Variants in SLC37A3 observed in about 807,000 individuals in gnomAD.
SLC37A3 encodes the protein sugar phosphate exchanger 3.
SLC37A3 carries 51 observed loss-of-function variants against 67.1 expected under a neutral mutation model. The observed-to-expected ratio is 0.76, with a 90% CI of 0.61 to 0.96. The LOEUF (loss-of-function observed/expected upper bound fraction) is 0.96, where lower values mean the gene tolerates loss of function less well. SLC37A3 is among the 40% of genes least tolerant of loss of function. SLC37A3 has a pLI of 0.00. For missense variants in SLC37A3, 508 were observed against 603.0 expected, an observed-to-expected ratio of 0.84 and a Z score of 1.65; for synonymous variants, 214 against 231.4, an observed-to-expected ratio of 0.92 and a Z score of 0.68.
chr7:140,362,839 C>T (rs1797406820), intron 5 of SLC37A3, among the ~76,000 whole-genome samples: 1 of 78,532 alleles, frequency 1.3e-5, no homozygotes, highest in African/African-American at 4.7e-5. Context: ...CTCTGCCCGG[C>T]CGCCCCTACT....
At chr7:140,364,892 A>G (rs926452068) in intron 4 of SLC37A3, among the ~76,000 whole-genome samples, 7 of 152,222 alleles carry the variant, frequency 4.6e-5, no homozygotes, top group Non-Finnish European at 7.3e-5. Flanking sequence ...TCTAGACTAG[A>G]TTAATTCCTA....
chr7:140,343,279 G>T (rs879133666), intron 13 of SLC37A3, 133 bp downstream of exon 13: 2 of 1,235,600 alleles, frequency 1.6e-6, no homozygotes, highest in East Asian at 4.7e-5. Context: ...GAGGGGAGAC[G>T]GAAGTCCTTG....
At chr7:140,381,504 G>A (rs991757082) in intron 2 of SLC37A3, among the ~76,000 whole-genome samples, 3 of 151,836 alleles carry the variant, frequency 2.0e-5, no homozygotes, top group African/African-American at 4.8e-5. Context: ...CAGTCTGGGC[G>A]ACAGGGTGAG....
chr7:140,360,516 C>T (rs566176096), intron 5 of SLC37A3, among the ~76,000 whole-genome samples: 22 of 152,024 alleles, frequency 1.4e-4, no homozygotes, highest in African/African-American at 5.3e-4. Context: ...GGCAGATCAC[C>T]TGAGGTCAGG....
At chr7:140,349,304 G>A (rs1215598887) in intron 9 of SLC37A3, among the ~76,000 whole-genome samples, 2 of 152,164 alleles carry the variant, frequency 1.3e-5, no homozygotes, top group Non-Finnish European at 2.9e-5. Flanking sequence ...AAAAGCAGCA[G>A]CATGATAATT....
At chr7:140,394,170 CA>C (rs1320633597) in intron 1 of SLC37A3, among the ~76,000 whole-genome samples, 1 of 145,252 alleles carries the variant, frequency 6.9e-6, no homozygotes, top group African/African-American at 2.5e-5. Flanking sequence ...GACCCCATAT[CA>C]AAAAAAAAAG....
At chr7:140,339,399 T>C (rs1266335795) in intron 13 of SLC37A3, among the ~76,000 whole-genome samples, 1 of 151,106 alleles carries the variant, frequency 6.6e-6, no homozygotes, top group Non-Finnish European at 1.5e-5. Flanking sequence ...TAGCTGGGAT[T>C]ACAGGCACCT....
chr7:140,381,712 C>T (rs1305128185), intron 2 of SLC37A3, among the ~76,000 whole-genome samples: 1 of 151,924 alleles, frequency 6.6e-6, no homozygotes, highest in African/African-American at 2.4e-5. Flanking sequence ...TTCTCCAGCT[C>T]CTGCTTTTAA....
chr7:140,371,537 G>T (rs1168104604), intron 3 of SLC37A3, among the ~76,000 whole-genome samples: 1 of 152,164 alleles, frequency 6.6e-6, no homozygotes, highest in African/African-American at 2.4e-5. Context: ...ATATTCTTCA[G>T]CTGTGTTTAA....
chr7:140,386,462 A>AATAATAATAATAATC (rs2129873410), intron 1 of SLC37A3, among the ~76,000 whole-genome samples: 1 of 150,622 alleles, frequency 6.6e-6, no homozygotes, highest in East Asian at 1.9e-4. Flanking sequence ...TAATAATAAT[A>AATAATAATAATAATC]ATAATAATAA....
chr7:140,377,409 G>C (rs1391417316), intron 3 of SLC37A3, among the ~76,000 whole-genome samples: 2 of 152,118 alleles, frequency 1.3e-5, no homozygotes, highest in East Asian at 3.9e-4. Flanking sequence ...GATAATTTTA[G>C]ATTCTCTAGC....
intron 1 of SLC37A3, among the ~76,000 whole-genome samples, chr7:140,396,147 G>T (rs569538158): frequency 2.0e-4 from 31 of 151,492 alleles, no homozygotes; most frequent in African/African-American, 7.3e-4. Context: ...AGCCTCCAAA[G>T]TTGCTGGGAC....
rs1044359124 is a variant in SLC37A3, at chr7:140,348,644, C to T, written c.1006G>A (p.Asp336Asn). ...AEADKLSIWY[D>N]VGGIIGGTLQ... is the part of the protein sequence containing the mutation. ...GGCATACCTATGATCCCTCCAACGTCGTACCAAATGGACAGCTTGTCGGCT... is the reference window on the plus strand; with the variant it reads ...GGCATACCTATGATCCCTCCAACGTTGTACCAAATGGACAGCTTGTCGGCT... The change falls in exon 10 of 15, where the codon GAC (aspartate) becomes AAC (asparagine). Residue 336 changes from aspartate to asparagine, a missense_variant. By Grantham distance (23) the Asp-to-Asn change is conservative. Coordinates refer to ENST00000326232, the MANE Select transcript of SLC37A3 (RefSeq NM_207113.3). 9 of 1,613,874 alleles carry T rather than the reference C, an allele frequency of 5.6e-6. No individual in the cohort carries two copies. Among genetic ancestry groups the T allele is most frequent in the Non-Finnish European group, 7.6e-6 (9 of 1,179,982 alleles).
chr7:140,379,998 T>C (rs867477523), intron 3 of SLC37A3: 4 of 200,390 alleles, frequency 2.0e-5, no homozygotes, highest in Non-Finnish European at 3.0e-5. Flanking sequence ...ATGTGCAAAA[T>C]CTCAAAGACA....
chr7:140,343,973 T>C (rs1192540460), intron 12 of SLC37A3: 2 of 235,248 alleles, frequency 8.5e-6, no homozygotes, highest in Non-Finnish European at 1.7e-5. Flanking sequence ...GCCACTGCAA[T>C]GGAGCAGGTG....
In SLC37A3 at chr7:140,358,674, CCA is replaced by C; in HGVS notation, c.485_486del (p.Val162GlyfsTer44). ...GLLQSTGWPC[V>X]VAVMGNWFGK... ...CCAAACCAGTTGCCCATAACAGCAACCACACAGGGCCAACCAGTGGACTGCAG... is the reference window on the plus strand; with the variant it reads ...CCAAACCAGTTGCCCATAACAGCAACCACAGGGCCAACCAGTGGACTGCAG... On this transcript the variant is annotated frameshift_variant, in exon 6 of 15. Transcript: ENST00000326232. LOFTEE classifies it high-confidence loss of function. The C allele has an allele frequency of 6.2e-7, 1 of 1,614,164 alleles. No individual in the cohort carries two copies. Among genetic ancestry groups the C allele is most frequent in the Non-Finnish European group, 8.5e-7 (1 of 1,180,034 alleles).
At position 140,355,773 on chromosome 7, in the gene SLC37A3, G is replaced by T. The variant is rs1020193695; in HGVS notation, c.522-9C>A. ...CAAAAACAACTCCTCGTCTAAGATGGAAAACAGTGGGAGACAAAGGGCCAT... is the reference window on the plus strand; with the variant it reads ...CAAAAACAACTCCTCGTCTAAGATGTAAAACAGTGGGAGACAAAGGGCCAT... On this transcript the variant is annotated splice_polypyrimidine_tract_variant and intron_variant, in intron 6 of 14. Transcript: ENST00000326232. 5.6e-6 allele frequency: 9 copies of T among 1,611,876 alleles called. No homozygotes were observed. Among genetic ancestry groups the T allele is most frequent in the Non-Finnish European group, 7.6e-6 (9 of 1,178,286 alleles).
In SLC37A3 at chr7:140,346,847, C is replaced by T. The variant is rs138899632; in HGVS notation, c.1025-877G>A. Among the ~76,000 whole-genome samples, 619 of 150,788 alleles carry T rather than the reference C, an allele frequency of 4.1e-3. 3 individuals are homozygous for T. The highest frequency in any genetic ancestry group is 0.013 in the African/African-American group (555 of 41,178). ...AGGTTGAGGCTGTGGTGAACCGTATCGTGCTGCTTGAACCCAGGAGGCTGA... is the reference window on the plus strand; with the variant it reads ...AGGTTGAGGCTGTGGTGAACCGTATTGTGCTGCTTGAACCCAGGAGGCTGA... On this transcript the variant is annotated intron_variant, in intron 10 of 14. Coordinates refer to ENST00000326232, the MANE Select transcript of SLC37A3 (RefSeq NM_207113.3).
intron 1 of SLC37A3, among the ~76,000 whole-genome samples, chr7:140,394,712 G>A (rs932305814): frequency 4.6e-5 from 7 of 151,150 alleles, no homozygotes; most frequent in Admixed American, 6.5e-5. Flanking sequence ...AGGTTCATGC[G>A]ATTCTTCTGC....
Sources: allele counts gnomAD v4.1 joint callset (sites outside exome capture counted in the v4.1 genomes callset), GRCh38; gene constraint gnomAD v4.1.1; transcripts MANE v1.5; gene names NCBI Gene and HGNC (gene_info 2026-07-23, HGNC 2026-07-21).